BCL2: variants seen among roughly 807,000 people sequenced by gnomAD.
BCL2 encodes apoptosis regulator Bcl-2.
Under a neutral mutation model 14.2 loss-of-function variants are expected in BCL2, and 1 was observed. The observed-to-expected ratio is 0.07, with a 90% CI of 0.02 to 0.33. The LOEUF (loss-of-function observed/expected upper bound fraction) is 0.33, where lower values mean the gene tolerates loss of function less well. Among genes scored for constraint, BCL2 ranks in the 10% least tolerant of loss-of-function variants. BCL2 has a pLI of 0.99. For missense variants in BCL2, 247 were observed against 305.9 expected (o/e 0.81, Z 1.44); for synonymous variants, 151 against 137.2 (o/e 1.10, Z -0.70).
At chr18:63,287,507 G>A (rs1314448836) in intron 2 of BCL2, among the ~76,000 whole-genome samples, 1 of 152,118 alleles carries the variant, frequency 6.6e-6, no homozygotes, top group Non-Finnish European at 1.5e-5. Context: ...GTGGCGGGCA[G>A]TTTGAGTACA....
At chr18:63,211,211 C>A (rs1471085035) in intron 2 of BCL2, among the ~76,000 whole-genome samples, 1 of 151,816 alleles carries the variant, frequency 6.6e-6, no homozygotes, top group East Asian at 1.9e-4. Flanking sequence ...GTGGGCATCA[C>A]CACACCCAGC....
intron 2 of BCL2, among the ~76,000 whole-genome samples, chr18:63,163,812 G>A (rs530974385): frequency 2.6e-5 from 4 of 152,314 alleles, no homozygotes; most frequent in African/African-American, 9.6e-5. Context: ...TCAAAGTATT[G>A]GAGGGAAGTT....
intron 2 of BCL2, among the ~76,000 whole-genome samples, chr18:63,243,146 A>C: frequency 6.6e-6 from 1 of 152,248 alleles, no homozygotes; most frequent in East Asian, 1.9e-4. Flanking sequence ...AATTTGGTAC[A>C]TATACACCAT....
At chr18:63,202,713 A>G (rs1909730665) in intron 2 of BCL2, among the ~76,000 whole-genome samples, 1 of 152,076 alleles carries the variant, frequency 6.6e-6, no homozygotes, top group Non-Finnish European at 1.5e-5. Context: ...ACTCTCTTTG[A>G]TGTTTAGAGG....
intron 2 of BCL2, chr18:63,314,871 A>G (rs1214528582): frequency 6.6e-6 from 1 of 152,238 alleles, no homozygotes; most frequent in Non-Finnish European, 1.5e-5. Context: ...TACGAAAAAT[A>G]TTCATGAGAA....
chr18:63,300,436 A>G (rs867177848), intron 2 of BCL2, among the ~76,000 whole-genome samples: 1 of 150,590 alleles, frequency 6.6e-6, no homozygotes, highest in Non-Finnish European at 1.5e-5. Context: ...CAAAAAAGAA[A>G]GAGATCTTGT....
chr18:63,307,143 T>C (rs1210134741), intron 2 of BCL2, among the ~76,000 whole-genome samples: 9 of 152,192 alleles, frequency 5.9e-5, no homozygotes, highest in Admixed American at 1.3e-4. Flanking sequence ...AAGTGAATCC[T>C]TTGCCATAAC....
chr18:63,179,073 T>C (rs538405908), intron 2 of BCL2, among the ~76,000 whole-genome samples: 16 of 152,330 alleles, frequency 1.1e-4, no homozygotes, highest in Admixed American at 5.2e-4. Context: ...CTTCCATTCT[T>C]GAGCCTGCTT....
At chr18:63,224,534 C>A (rs765410892) in intron 2 of BCL2, among the ~76,000 whole-genome samples, 14 of 152,272 alleles carry the variant, frequency 9.2e-5, no homozygotes, top group South Asian at 2.1e-4. Context: ...TGTTTTTTAA[C>A]CTGGATTTTC....
At chr18:63,183,208 G>A (rs1915517039) in intron 2 of BCL2, among the ~76,000 whole-genome samples, 1 of 152,166 alleles carries the variant, frequency 6.6e-6, no homozygotes, top group African/African-American at 2.4e-5. Flanking sequence ...ACTCATGGAG[G>A]GCAAGCCACC....
At chr18:63,136,946 A>C (rs1281443986) in intron 2 of BCL2, among the ~76,000 whole-genome samples, 1 of 152,200 alleles carries the variant, frequency 6.6e-6, no homozygotes, top group Non-Finnish European at 1.5e-5. Flanking sequence ...TGCACTGCCA[A>C]TTTTACCACC....
Position 63,225,802 on chromosome 18 carries a change from C to T in BCL2, c.585+92280G>A, listed in dbSNP as rs1007423323. 2.6e-5 allele frequency among the ~76,000 whole-genome samples: 4 copies of T among 152,138 alleles called. No homozygotes were observed. The East Asian group carries it at 7.7e-4, about 29-fold the overall frequency. ...GGAAGGAGCGAATTCCATACCAGCC[C>T]CACAGCAGCGTCTGGAGCAGTGCCT... is the stretch of plus-strand genomic sequence containing the variant. On this transcript the variant is annotated intron_variant, in intron 2 of 2. Coordinates refer to ENST00000333681, the MANE Select transcript of BCL2 (RefSeq NM_000633.3).
At chr18:63,254,177 G>A (rs1033216920) in intron 2 of BCL2, among the ~76,000 whole-genome samples, 3 of 151,866 alleles carry the variant, frequency 2.0e-5, no homozygotes, top group African/African-American at 4.8e-5. Context: ...GAGATGCCTG[G>A]TGGCTTTTCT....
rs115814747 is a variant in BCL2 at position 63,317,357 on chromosome 18, G to T, written c.585+725C>A. 1.3e-3 allele frequency: 223 copies of T among 167,404 alleles called. 1 individual carries two copies. The highest frequency in any genetic ancestry group is 4.9e-3 in the African/African-American group (206 of 41,834). 10.4% of individuals were successfully genotyped at this position (167,404 alleles called of 1,614,324 possible). A position where few individuals can be genotyped will look rare whatever the true frequency, so the allele number is the denominator to read the frequency against. Reference sequence around the variant, plus strand: ...ATTATAGAATACAAAGAATGCAGCCGATGCAAATTCTGTCACTGACAAGGT... The same window carrying T: ...ATTATAGAATACAAAGAATGCAGCCTATGCAAATTCTGTCACTGACAAGGT... On this transcript the variant is annotated intron_variant, in intron 2 of 2. Transcript: ENST00000333681.
chr18:63,232,957 T>TG (rs1910727097), intron 2 of BCL2, among the ~76,000 whole-genome samples: 1 of 152,208 alleles, frequency 6.6e-6, no homozygotes, highest in Admixed American at 6.5e-5. Context: ...TACCATAGAC[T>TG]GGGTGACTTA....
In BCL2 at chr18:63,137,266, T is replaced by C. The variant is rs556811112; in HGVS notation, c.586-8507A>G. Among the ~76,000 whole-genome samples, 3 of 152,356 alleles carry C rather than the reference T, an allele frequency of 2.0e-5. No individual in the cohort carries two copies. The South Asian group carries it at 6.2e-4, about 32-fold the overall frequency. On this transcript the variant is annotated intron_variant, in intron 2 of 2. Coordinates refer to ENST00000333681, the MANE Select transcript of BCL2 (RefSeq NM_000633.3). ...CAAATCCCTAGGTTGAGCTAAATAA[T>C]CCTCGGCTGTTCCCTGTTCACAGTA...
intron 2 of BCL2, among the ~76,000 whole-genome samples, chr18:63,256,684 T>A (rs1436573084): frequency 6.6e-6 from 1 of 152,052 alleles, no homozygotes; most frequent in African/African-American, 2.4e-5. Flanking sequence ...ACTAGGGGCA[T>A]GTGGCAAGGG....
Position 63,149,868 on chromosome 18 carries a change from T to TATTC in BCL2, c.586-21110_586-21109insGAAT, listed in dbSNP as rs1555696131. Among the ~76,000 whole-genome samples the TATTC allele has an allele frequency of 2.0e-5, 3 of 151,354 alleles. No individual in the cohort carries two copies. The East Asian group carries it at 5.8e-4, about 29-fold the overall frequency. On this transcript the variant is annotated intron_variant, in intron 2 of 2. Transcript: ENST00000333681. The surrounding 1 kb of genome is among the most constrained non-coding windows in gnomAD (Gnocchi z 4.2). ...GCATTTATTTATTTATTTATTTATT[T>TATTC]ATTTATTTATTTATTTATTTATTTT... is the stretch of plus-strand genomic sequence containing the variant.
In BCL2 at chr18:63,124,989, G is replaced by A. The variant is rs926349662; in HGVS notation, c.*3636C>T. On this transcript the variant is annotated 3_prime_UTR_variant, in exon 3 of 3. Transcript: ENST00000333681. ...TTATAAACTATTTGTTTTAGGATAA[G>A]TTCAATTACAAATAGAGACTATTTG... The A allele has an allele frequency of 4.5e-6, 1 of 221,418 alleles. No individual in the cohort carries two copies. Among genetic ancestry groups the A allele is most frequent in the African/African-American group, 2.2e-5 (1 of 44,658 alleles). The allele number at this position is 221,418 out of a possible 1,614,324, so 13.7% of individuals were successfully genotyped here.
Sources: gnomAD v4.1 joint callset for allele counts (sites outside exome capture counted in the v4.1 genomes callset) on GRCh38, gnomAD v4.1.1 for gene constraint, Gnocchi (gnomAD v3.1) non-coding constraint, MANE v1.5 for transcripts, NCBI Gene and HGNC (gene_info 2026-07-23, HGNC 2026-07-21) for gene names.